Variants in AP2A2 observed in about 807,000 individuals in gnomAD.
The protein encoded by AP2A2 is AP-2 complex subunit alpha-2.
A neutral mutation model predicts 104.2 loss-of-function variants in AP2A2; 32 were observed. The ratio of observed to expected loss-of-function variants is 0.31; its 90% confidence interval spans 0.23 to 0.41. The LOEUF (loss-of-function observed/expected upper bound fraction) is 0.41, where lower values mean the gene tolerates loss of function less well. AP2A2 is among the 10% of genes least tolerant of loss of function. The pLI is 1.00. For synonymous variants in AP2A2, 539 were observed against 533.3 expected, an observed-to-expected ratio of 1.01 and a Z score of -0.15; for missense variants, 912 against 1,261.0, an observed-to-expected ratio of 0.72 and a Z score of 4.19.
intron 2 of AP2A2, among the ~76,000 whole-genome samples, chr11:960,865 G>A (rs139841035): frequency 0.027 from 4,146 of 152,016 alleles, 190 homozygotes; most frequent in African/African-American, 0.093. Context: ...CTCCATGTTG[G>A]TCAGGCTGGT....
At chr11:955,994 A>G (rs987816207) in intron 1 of AP2A2, among the ~76,000 whole-genome samples, 15 of 152,212 alleles carry the variant, frequency 9.9e-5, no homozygotes, top group East Asian at 3.9e-4. Context: ...CCTTAAACCA[A>G]AGACTCACTT....
Position 1,009,352 on chromosome 11 carries a change from C to T in AP2A2, c.2562C>T (p.Ile854=), listed in dbSNP as rs1655544601. The T allele has an allele frequency of 1.2e-6, 2 of 1,613,650 alleles. No homozygotes were observed. The highest frequency in any genetic ancestry group is 1.7e-6 in the Non-Finnish European group (2 of 1,179,860). Residue 854 remains isoleucine, a synonymous_variant, in exon 20 of 22, where the codon ATC becomes ATT. Transcript: ENST00000448903. ...LSNPQQEVQN[I]FKAKHPMDTE... ...GTCCACAGCAGGAAGTGCAGAACATCTTCAAAGCAAAGCACCCAATGGACA... is the reference window on the plus strand; with the variant it reads ...GTCCACAGCAGGAAGTGCAGAACATTTTCAAAGCAAAGCACCCAATGGACA...
At chr11:981,137 T>A (rs1855222882) in intron 5 of AP2A2, 61 bp from the exon 6 acceptor site, 1 of 1,424,182 alleles carries the variant, frequency 7.0e-7, no homozygotes, top group Non-Finnish European at 9.6e-7. Context: ...CTTTGGAAGA[T>A]GAGTGAACAC....
Position 978,490 on chromosome 11 carries a change from T to C in AP2A2, c.603+1266T>C, listed in dbSNP as rs1855129579. Among the ~76,000 whole-genome samples, 4 of 152,174 alleles carry C rather than the reference T, an allele frequency of 2.6e-5. No individual in the cohort carries two copies. In the South Asian group the frequency reaches 8.3e-4, roughly 31 times the overall value. On this transcript the variant is annotated intron_variant, in intron 5 of 21. Coordinates refer to ENST00000448903, the MANE Select transcript of AP2A2 (RefSeq NM_012305.4). ...GGTTTGCTTTTTGTATTTTTATGCA[T>C]CTGGCTTTATTTCACCAGGCACTTG...
chr11:977,471 A>G (rs1198798054), intron 5 of AP2A2, among the ~76,000 whole-genome samples: 1 of 150,238 alleles, frequency 6.7e-6, no homozygotes, highest in Non-Finnish European at 1.5e-5. Context: ...AGACACCCCC[A>G]GCTGAGACAC....
Position 1,009,618 on chromosome 11 carries a change from G to A in AP2A2, c.2608-65G>A, listed in dbSNP as rs1590026504. 3 of 1,188,930 alleles carry A rather than the reference G, an allele frequency of 2.5e-6. No homozygotes were observed. The East Asian group carries it at 7.9e-5, about 31-fold the overall frequency. 73.6% of individuals were successfully genotyped at this position (1,188,930 alleles called of 1,614,324 possible). A position where few individuals can be genotyped will look rare whatever the true frequency, so the allele number is the denominator to read the frequency against. On this transcript the variant is annotated intron_variant, in intron 20 of 21. Transcript: ENST00000448903. ...CCCAGCGCCAGGGTCTGGAGGGGCG[G>A]CCCCGGGGGACACGCTGCCCGCGAC...
chr11:1,005,260 T>G (rs1856167139), intron 16 of AP2A2, among the ~76,000 whole-genome samples: 1 of 152,252 alleles, frequency 6.6e-6, no homozygotes, highest in African/African-American at 2.4e-5. Context: ...AAATCCTGTG[T>G]GGCTCCACTC....
chr11:986,862 T>G lies in AP2A2; in HGVS notation c.1040T>G (p.Leu347Arg). Reference sequence around the variant, plus strand: ...CACCGCGAGACCAACCTGCGCTACCTGGCCCTGGAGAGCATGTGCACGCTG... The same window carrying G: ...CACCGCGAGACCAACCTGCGCTACCGGGCCCTGGAGAGCATGTGCACGCTG... ...LQHRETNLRY[L>R]ALESMCTLAS... The change falls in exon 9 of 22, where the codon CTG (leucine) becomes CGG (arginine). Residue 347 changes from leucine to arginine, a missense_variant. Physicochemically the swap from Leu to Arg is moderately radical, Grantham distance 102. This residue lies in a region of AP2A2 where 350 missense variants were observed against 487.0 expected (regional missense o/e 0.72). Coordinates refer to ENST00000448903, the MANE Select transcript of AP2A2 (RefSeq NM_012305.4). 6.2e-7 allele frequency: 1 copy of G among 1,611,782 alleles called. No individual in the cohort carries two copies. Among genetic ancestry groups the G allele is most frequent in the Non-Finnish European group, 8.5e-7 (1 of 1,179,206 alleles).
intron 10 of AP2A2, among the ~76,000 whole-genome samples, chr11:990,677 C>T (rs1236547333): frequency 1.3e-5 from 2 of 150,332 alleles, no homozygotes; most frequent in African/African-American, 4.9e-5. Context: ...CTCCCCTCAC[C>T]CCATCCTTTC....
intron 6 of AP2A2, among the ~76,000 whole-genome samples, chr11:982,332 TGAG>T (rs1201646549): frequency 3.3e-5 from 5 of 152,246 alleles, no homozygotes; most frequent in Non-Finnish European, 7.3e-5. Flanking sequence ...ATTATAGGCG[TGAG>T]CCACCGCACC....
At chr11:930,989 C>G (rs985193223) in intron 1 of AP2A2, among the ~76,000 whole-genome samples, 2 of 152,094 alleles carry the variant, frequency 1.3e-5, no homozygotes, top group African/African-American at 4.8e-5. Context: ...GTAACCGGTT[C>G]CCTACCTCAG....
rs1855228266 is a variant in AP2A2, at chr11:981,272, G to C, written c.678G>C (p.Val226=). The change falls in exon 6 of 22, where the codon GTG becomes GTC. Residue 226 remains valine (V), a synonymous_variant. Transcript: ENST00000448903. ...QKNPEEFKTS[V]SLAVSRLSRI... ...ACCCAGAAGAGTTTAAAACCTCCGT[G>C]TCTCTGGCTGTCTCTAGGCTAAGCA... The C allele has an allele frequency of 6.2e-7, 1 of 1,613,074 alleles. No homozygotes were observed.
rs757769398 is a variant in AP2A2, at chr11:1,006,617, A to G, written c.2296A>G (p.Asn766Asp). 4.3e-6 allele frequency: 7 copies of G among 1,612,106 alleles called. No homozygotes were observed. The South Asian group carries it at 4.4e-5, about 10-fold the overall frequency. ...TLICSDDLQP[N>D]LNLQTKPVDP... is the part of the protein sequence containing the mutation. ...AATCTGTTCAGACGACCTTCAGCCT[A>G]ATATCCTTGGCTTCATTGCCCCATG... is the stretch of plus-strand genomic sequence containing the variant. Residue 766 changes from asparagine (N) to aspartate (D), a missense_variant and splice_region_variant, in exon 17 of 22, where the codon AAC (asparagine) becomes GAC (aspartate). Around this residue, in one of 7 missense-constraint regions of AP2A2, gnomAD observed 239 missense variants for 329.8 expected, o/e 0.72. Transcript: ENST00000448903.
intron 5 of AP2A2, 132 bp downstream of exon 5, chr11:977,356 T>C (rs1855081360): frequency 1.6e-6 from 2 of 1,257,238 alleles, no homozygotes; most frequent in East Asian, 2.7e-5. Context: ...GGCTGCGTGC[T>C]GAGGCCACGG....
At chr11:932,572 G>T in intron 1 of AP2A2, 1 of 364,746 alleles carries the variant, frequency 2.7e-6, no homozygotes, top group South Asian at 2.1e-5. Flanking sequence ...TCTTAGAAAA[G>T]AATGCTCTCC....
chr11:983,586 T>C (rs1342024287), intron 6 of AP2A2, among the ~76,000 whole-genome samples: 3 of 152,070 alleles, frequency 2.0e-5, no homozygotes, highest in East Asian at 1.9e-4. Context: ...GGTTTCACTG[T>C]GTTAGCCAGG....
At chr11:963,353 G>A (rs1854503832) in intron 2 of AP2A2, among the ~76,000 whole-genome samples, 1 of 152,042 alleles carries the variant, frequency 6.6e-6, no homozygotes, top group African/African-American at 2.4e-5. Context: ...TTGAACCTAG[G>A]AGGCAGAGGT....
intron 1 of AP2A2, chr11:940,779 T>C: frequency 2.2e-6 from 1 of 456,016 alleles, no homozygotes; most frequent in South Asian, 1.5e-5. Context: ...TGTGTACCAG[T>C]GCCTGCCAAC....
chr11:980,395 GGGT>G (rs1855195525), intron 5 of AP2A2, among the ~76,000 whole-genome samples: 1 of 28,892 alleles, frequency 3.5e-5, no homozygotes. Flanking sequence ...AGCGGTGACA[GGGT>G]GCCCGGTGCC....
Sources: gnomAD v4.1 joint callset for allele counts (sites outside exome capture counted in the v4.1 genomes callset) on GRCh38, gnomAD v4.1.1 for gene constraint, gnomAD v4.1.1 regional missense constraint, MANE v1.5 for transcripts, NCBI Gene and HGNC (gene_info 2026-07-23, HGNC 2026-07-21) for gene names.